The following PELI1 variants were observed in gnomAD, a reference collection of about 807,000 sequenced individuals.
The protein encoded by PELI1 is pellino E3 ubiquitin protein ligase 1, also known as E3 ubiquitin-protein ligase pellino homolog 1.
In PELI1, 15 loss-of-function variants were observed where a neutral mutation model predicts 41.3. The observed-to-expected ratio is 0.36, with a 90% CI of 0.24 to 0.56. The LOEUF is 0.56. PELI1 is among the 20% of genes least tolerant of loss of function. The pLI is 0.82. For synonymous variants in PELI1, 178 were observed against 180.1 expected (o/e 0.99, Z 0.09); for missense variants, 403 against 525.5 (o/e 0.77, Z 2.28).
chr2:64,113,210 G>A (rs1035685801), intron 1 of PELI1, among the ~76,000 whole-genome samples: 1 of 151,966 alleles, frequency 6.6e-6, no homozygotes, highest in Non-Finnish European at 1.5e-5. Flanking sequence ...GCTGAGGTGG[G>A]AGGATCACTT....
intron 1 of PELI1, chr2:64,143,369 A>G (rs1681978132): frequency 6.6e-6 from 1 of 152,210 alleles, no homozygotes; most frequent in African/African-American, 2.4e-5. Flanking sequence ...AGCATCTTTA[A>G]CTTTTCCACG....
At chr2:64,112,886 A>G (rs981435771) in intron 1 of PELI1, among the ~76,000 whole-genome samples, 3 of 151,858 alleles carry the variant, frequency 2.0e-5, no homozygotes, top group Admixed American at 1.3e-4. Flanking sequence ...AAAGGTTTAT[A>G]CTCTTTAACA....
intron 3 of PELI1, among the ~76,000 whole-genome samples, chr2:64,101,530 CAAAG>C (rs901326886): frequency 1.6e-4 from 25 of 152,020 alleles, no homozygotes; most frequent in Admixed American, 8.5e-4. Context: ...AGTCATCACA[CAAAG>C]GAAGTAGAAA....
chr2:64,127,260 C>T (rs748540775), intron 1 of PELI1, among the ~76,000 whole-genome samples: 12 of 152,122 alleles, frequency 7.9e-5, no homozygotes, highest in Non-Finnish European at 1.3e-4. Flanking sequence ...TATTTGAGGC[C>T]GAGCAAGGTG....
intron 1 of PELI1, among the ~76,000 whole-genome samples, chr2:64,134,001 A>C (rs1283650022): frequency 6.6e-6 from 1 of 152,090 alleles, no homozygotes; most frequent in East Asian, 1.9e-4. Flanking sequence ...TCCATATGAC[A>C]ATTCTTCTTT....
At chr2:64,106,035 T>G (rs1680607964) in intron 2 of PELI1, 1 of 152,238 alleles carries the variant, frequency 6.6e-6, no homozygotes, top group Non-Finnish European at 1.5e-5. Flanking sequence ...TAAAATACTT[T>G]GTATTGGAGA....
chr2:64,098,654 T>A (rs1558471825), intron 4 of PELI1, among the ~76,000 whole-genome samples: 1 of 152,240 alleles, frequency 6.6e-6, no homozygotes, highest in African/African-American at 2.4e-5. Context: ...CAGCTTGTAA[T>A]GTCTCCCTTA....
rs771155544 is a variant in PELI1 at position 64,095,070 on chromosome 2, T to G, written c.889A>C (p.Lys297Gln). Residue 297 changes from lysine to glutamine, a missense_variant, in exon 7 of 7, where the codon AAA becomes CAA. Physicochemically the swap from Lys to Gln is moderately conservative, Grantham distance 53. Transcript: ENST00000358912. The part of the protein sequence containing the change: ...NTLAFPSMKR[K>Q]DVVDEKQPWV... ...GGTTGTTTTTCATCTACAACGTCTT[T>G]CCTCTTCATACTAGGAAATGCTAGT... 6 of 1,614,102 alleles carry G rather than the reference T, an allele frequency of 3.7e-6. No homozygotes were observed. The highest frequency in any genetic ancestry group is 5.1e-6 in the Non-Finnish European group (6 of 1,180,036).
At chr2:64,099,206 ATATT>A (rs1680343614) in intron 4 of PELI1, among the ~76,000 whole-genome samples, 1 of 151,894 alleles carries the variant, frequency 6.6e-6, no homozygotes, top group African/African-American at 2.4e-5. Flanking sequence ...ACACACATAT[ATATT>A]TATCTATATT....
chr2:64,132,592 T>C (rs1028065304), intron 1 of PELI1, among the ~76,000 whole-genome samples: 4 of 152,180 alleles, frequency 2.6e-5, no homozygotes, highest in African/African-American at 9.7e-5. Flanking sequence ...AATGACCACC[T>C]ATGTCAAGTT....
chr2:64,100,129 A>G (rs1576070728), intron 4 of PELI1, among the ~76,000 whole-genome samples: 1 of 152,190 alleles, frequency 6.6e-6, no homozygotes, highest in African/African-American at 2.4e-5. Context: ...GCCTCTTAAC[A>G]GTCATAGGGG....
chr2:64,118,663 A>T (rs1681101450), intron 1 of PELI1, among the ~76,000 whole-genome samples: 1 of 152,234 alleles, frequency 6.6e-6, no homozygotes, highest in African/African-American at 2.4e-5. Context: ...CAAACAGAAT[A>T]TTCAGGTAGA....
At position 64,100,392 on chromosome 2, in the gene PELI1, T is replaced by A. The variant is rs2103671360; in HGVS notation, c.303+6A>T. 1 of 1,410,262 alleles carries A rather than the reference T, an allele frequency of 7.1e-7. No homozygotes were observed. The highest frequency in any genetic ancestry group is 1.8e-4 in the Middle Eastern group (1 of 5,656). The allele number at this position is 1,410,262 out of a possible 1,614,324, so 87.4% of individuals were successfully genotyped here. On this transcript the variant is annotated splice_donor_region_variant and intron_variant, in intron 4 of 6. Transcript: ENST00000358912. ...TTAAGAAAAAAAATTTAAGATGTTGTAATACCTGAAACATATCGGTGTTGC... is the reference window on the plus strand; with the variant it reads ...TTAAGAAAAAAAATTTAAGATGTTGAAATACCTGAAACATATCGGTGTTGC...
chr2:64,104,882 TAAA>T (rs777554945), intron 2 of PELI1, 52 bp from the exon 3 acceptor site: 1 of 1,508,368 alleles, frequency 6.6e-7, no homozygotes, highest in Middle Eastern at 1.8e-4. Context: ...TGCACAATTA[TAAA>T]ACAAATGTTT....
intron 1 of PELI1, among the ~76,000 whole-genome samples, chr2:64,131,331 TAC>T (rs1681548077): frequency 6.6e-6 from 1 of 151,914 alleles, no homozygotes; most frequent in Non-Finnish European, 1.5e-5. Context: ...CATATATATA[TAC>T]ACACATAGGT....
intron 2 of PELI1, among the ~76,000 whole-genome samples, chr2:64,105,645 C>T (rs915133405): frequency 6.6e-6 from 1 of 152,176 alleles, no homozygotes; most frequent in Non-Finnish European, 1.5e-5. Flanking sequence ...CATTAGGAAA[C>T]AGACTCAGAA....
rs1558490153 is a variant in PELI1 at position 64,140,802 on chromosome 2, AAC to A, written c.-70+3277_-70+3278del. 4.7e-5 allele frequency among the ~76,000 whole-genome samples: 6 copies of A among 127,500 alleles called. 1 individual carries two copies. The highest frequency in any genetic ancestry group is 2.1e-4 in the African/African-American group (6 of 29,228). The allele number at this position is 127,500 out of a possible 152,430, so 83.6% of individuals were successfully genotyped here. On this transcript the variant is annotated intron_variant, in intron 1 of 6. Coordinates refer to ENST00000358912, the MANE Select transcript of PELI1 (RefSeq NM_020651.4). ...AGACAACATGCAAAAAAAAAAAACA[AAC>A]AAACAAAAAAAAACCTAGGGGCAGA...
At chr2:64,116,062 AGGTAAATTCCT>A (rs1680980065) in intron 1 of PELI1, among the ~76,000 whole-genome samples, 1 of 152,190 alleles carries the variant, frequency 6.6e-6, no homozygotes, top group Non-Finnish European at 1.5e-5. Context: ...TATTTCACAA[AGGTAAATTCCT>A]GGTACTACCA....
At chr2:64,140,810 A>AAAAAC (rs1681884365) in intron 1 of PELI1, among the ~76,000 whole-genome samples, 1 of 147,122 alleles carries the variant, frequency 6.8e-6, no homozygotes, top group African/African-American at 2.5e-5. Context: ...CAAACAAACA[A>AAAAAC]AAAAAAACCT....
Sources: allele counts gnomAD v4.1 joint callset (sites outside exome capture counted in the v4.1 genomes callset), GRCh38; gene constraint gnomAD v4.1.1; transcripts MANE v1.5; gene names NCBI Gene and HGNC (gene_info 2026-07-23, HGNC 2026-07-21).